Variants in MAP4K1 observed in about 807,000 individuals in gnomAD.
MAP4K1 encodes the protein mitogen-activated protein kinase kinase kinase kinase 1.
MAP4K1 carries 35 observed loss-of-function variants against 122.8 expected under a neutral mutation model. The ratio of observed to expected loss-of-function variants is 0.29; its 90% CI spans 0.22 to 0.38. The LOEUF (loss-of-function observed/expected upper bound fraction) is 0.38. Ranked by LOEUF, MAP4K1 falls within the 10% of genes least tolerant of loss-of-function variation. MAP4K1 has a pLI of 1.00. For missense variants in MAP4K1, 791 were observed against 1,072.6 expected, an observed-to-expected ratio of 0.74 and a Z score of 3.67; for synonymous variants, 412 against 421.3, an observed-to-expected ratio of 0.98 and a Z score of 0.27.
chr19:38,591,918 C>G (rs1331666412), intron 30 of MAP4K1, among the ~76,000 whole-genome samples: 1 of 148,280 alleles, frequency 6.7e-6, no homozygotes, highest in African/African-American at 2.5e-5. Context: ...TTGTGGTGAG[C>G]TGAAATCACG....
intron 30 of MAP4K1, 83 bp downstream of exon 30, chr19:38,593,199 A>G (rs1238385410): frequency 4.5e-6 from 6 of 1,340,248 alleles, no homozygotes; most frequent in Non-Finnish European, 5.2e-6. Flanking sequence ...GGCTAGAGAT[A>G]CCTTGCTGGG....
chr19:38,600,799 ATTT>A (rs560496607), intron 20 of MAP4K1, among the ~76,000 whole-genome samples: 5,472 of 90,188 alleles, frequency 0.061, 70 homozygotes, highest in African/African-American at 0.11. Flanking sequence ...CCCTCTACCC[ATTT>A]TTTTTTTTTT....
chr19:38,606,694 A>G (rs985053940), intron 16 of MAP4K1, among the ~76,000 whole-genome samples: 2 of 145,886 alleles, frequency 1.4e-5, no homozygotes, highest in Admixed American at 1.3e-4. Flanking sequence ...CCATCCTACA[A>G]AAAAATGATT....
At position 38,608,074 on chromosome 19, in the gene MAP4K1, C is replaced by T. The variant is rs772258809; in HGVS notation, c.1065+38G>A. 2.6e-6 allele frequency: 4 copies of T among 1,566,912 alleles called. No homozygotes were observed. The Admixed American group carries it at 7.4e-5, about 29-fold the overall frequency. On this transcript the variant is annotated intron_variant, in intron 14 of 30. Coordinates refer to ENST00000396857, the MANE Select transcript of MAP4K1 (RefSeq NM_001042600.3). ...AGGGTCAGCAGTGGCCTCAGGGAAG[C>T]AGGCGGTGTGGTGGGGAGTGGGGGG...
chr19:38,599,012 C>CA (rs944497385), intron 22 of MAP4K1, among the ~76,000 whole-genome samples: 3,672 of 37,036 alleles, frequency 0.099, 224 homozygotes, highest in East Asian at 0.28. Flanking sequence ...GAGTCTATCT[C>CA]AAAAAAAAAA....
chr19:38,610,668 G>T (rs1433868257), intron 11 of MAP4K1, among the ~76,000 whole-genome samples: 2 of 152,110 alleles, frequency 1.3e-5, no homozygotes, highest in African/African-American at 2.4e-5. Flanking sequence ...TTACAGGTGT[G>T]AGCCACCATG....
At chr19:38,608,572 G>C (rs971418165) in intron 13 of MAP4K1, among the ~76,000 whole-genome samples, 2 of 151,986 alleles carry the variant, frequency 1.3e-5, no homozygotes, top group African/African-American at 4.8e-5. Context: ...GAGGCAGGCA[G>C]ATCACCTGAG....
At position 38,614,636 on chromosome 19, in the gene MAP4K1, A is replaced by G. The variant is rs372782052; in HGVS notation, c.314-191T>C. On this transcript the variant is annotated intron_variant, in intron 4 of 30. Coordinates refer to ENST00000396857, the MANE Select transcript of MAP4K1 (RefSeq NM_001042600.3). ...GCAGCAATGCAAATAAAAGAGGCCA[A>G]TAGGCCTGGCGCAGTGGCTCATGCC... 1.4e-5 allele frequency: 9 copies of G among 639,900 alleles called. No homozygotes were observed. The African/African-American group carries it at 1.6e-4, about 12-fold the overall frequency. 39.6% of individuals were successfully genotyped at this position (639,900 alleles called of 1,614,324 possible). A position where few individuals can be genotyped will look rare whatever the true frequency, so the allele number is the denominator to read the frequency against.
chr19:38,595,777 G>T (rs777036888), intron 27 of MAP4K1, 48 bp from the exon 28 acceptor site: 1 of 1,520,700 alleles, frequency 6.6e-7, no homozygotes, highest in Non-Finnish European at 9.1e-7. Context: ...GGCTTAGAGG[G>T]TTACTAAGGG....
chr19:38,613,997 C>T (rs1365871036), intron 7 of MAP4K1, 45 bp from the exon 8 acceptor site: 2 of 1,613,240 alleles, frequency 1.2e-6, no homozygotes, highest in East Asian at 4.5e-5. Flanking sequence ...CACTGCGCTT[C>T]CGGCCCCCCA....
intron 30 of MAP4K1, among the ~76,000 whole-genome samples, chr19:38,588,159 C>T (rs1207390192): frequency 6.6e-6 from 1 of 152,080 alleles, no homozygotes; most frequent in Non-Finnish European, 1.5e-5. Context: ...GGGAGAACAG[C>T]CTGTGCAAAG....
At position 38,595,514 on chromosome 19, in the gene MAP4K1, C is replaced by T. The variant is rs759712811; in HGVS notation, c.2311G>A (p.Val771Met). 1 of 1,614,094 alleles carries T rather than the reference C, an allele frequency of 6.2e-7. No individual in the cohort carries two copies. The highest frequency in any genetic ancestry group is 8.5e-7 in the Non-Finnish European group (1 of 1,180,014). ...TCCGAGCCTAGAGCCCACACCTGCACTCCATGCTTCCAGAAGGCCTGAAGC... is the reference window on the plus strand; with the variant it reads ...TCCGAGCCTAGAGCCCACACCTGCATTCCATGCTTCCAGAAGGCCTGAAGC... ...GQLQAFWKHG[V>M]QVWALGSDQL... Residue 771 changes from valine to methionine, a missense_variant, in exon 29 of 31, where the codon GTG becomes ATG. Physicochemically the swap from Val to Met is conservative, Grantham distance 21. Coordinates refer to ENST00000396857, the MANE Select transcript of MAP4K1 (RefSeq NM_001042600.3).
chr19:38,588,273 G>T (rs1044416336), intron 30 of MAP4K1, among the ~76,000 whole-genome samples: 6 of 152,142 alleles, frequency 3.9e-5, no homozygotes, highest in African/African-American at 1.4e-4. Flanking sequence ...AGGATTTTAA[G>T]CAGGGAGACA....
In MAP4K1 at chr19:38,614,673, C is replaced by T. The variant is rs563914562; in HGVS notation, c.314-228G>A. ...CAGTGGCTCATGCCTATAATCCCAGCACTTTGGGAGGCCAAGGTGGGTGGA... is the reference window on the plus strand; with the variant it reads ...CAGTGGCTCATGCCTATAATCCCAGTACTTTGGGAGGCCAAGGTGGGTGGA... On this transcript the variant is annotated intron_variant, in intron 4 of 30. Transcript: ENST00000396857. 4 of 572,992 alleles carry T rather than the reference C, an allele frequency of 7.0e-6. No homozygotes were observed. In the African/African-American group the frequency reaches 7.5e-5, roughly 11 times the overall value. The allele number at this position is 572,992 out of a possible 1,614,324, so 35.5% of individuals were successfully genotyped here.
chr19:38,614,305 G>A lies in MAP4K1; in HGVS notation c.370-13C>T. The A allele has an allele frequency of 1.2e-6, 2 of 1,614,208 alleles. No individual in the cohort carries two copies. Among genetic ancestry groups the A allele is most frequent in the Non-Finnish European group, 1.7e-6 (2 of 1,180,008 alleles). On this transcript the variant is annotated splice_polypyrimidine_tract_variant and intron_variant, in intron 5 of 30. Transcript: ENST00000396857. ...AATAGGCCAGTCCCTGGGGAGAAGG[G>A]TGGACAAGGGGACAGTGAGTGTTTG...
rs758166368 is a variant in MAP4K1 at position 38,599,948 on chromosome 19, T to C, written c.1646A>G (p.Asn549Ser). Residue 549 changes from asparagine (N) to serine (S), a missense_variant, in exon 22 of 31, where the codon AAC becomes AGC. This residue lies in a region of MAP4K1 where 58 missense variants were observed against 118.7 expected (regional missense o/e 0.49). Transcript: ENST00000396857. The part of the protein sequence containing the change: ...PSRTTWVYSI[N>S]NVLMSLSGKT... ...ACCTGAGAGAGACATGAGAACGTTGTTGATGGAGTACACCCACGTAGTCCG... is the reference window on the plus strand; with the variant it reads ...ACCTGAGAGAGACATGAGAACGTTGCTGATGGAGTACACCCACGTAGTCCG... The C allele has an allele frequency of 3.1e-6, 5 of 1,614,018 alleles. No individual in the cohort carries two copies. Among genetic ancestry groups the C allele is most frequent in the East Asian group, 2.2e-5 (1 of 44,886 alleles).
chr19:38,601,477 G>T lies in MAP4K1; in HGVS notation c.1495C>A (p.His499Asn). ...KLFNGCPLRI[H>N]STAAWTHPST... is the part of the protein sequence containing the mutation. Reference sequence around the variant, plus strand: ...GGATGTGTCCAGGCGGCCGTGCTGTGGATCCGGAGGGGGCAGCCATTGAAC... The same window carrying T: ...GGATGTGTCCAGGCGGCCGTGCTGTTGATCCGGAGGGGGCAGCCATTGAAC... The change falls in exon 20 of 31, where the codon CAC (histidine) becomes AAC (asparagine). Residue 499 changes from histidine to asparagine, a missense_variant. By Grantham distance (68) the His-to-Asn change is moderately conservative (BLOSUM62 1). This residue lies in a region of MAP4K1 where 58 missense variants were observed against 118.7 expected (regional missense o/e 0.49). Transcript: ENST00000396857. 6.2e-7 allele frequency: 1 copy of T among 1,610,446 alleles called. No individual in the cohort carries two copies. The highest frequency in any genetic ancestry group is 8.5e-7 in the Non-Finnish European group (1 of 1,178,632).
chr19:38,615,967 A>G (rs914623193), intron 4 of MAP4K1, among the ~76,000 whole-genome samples: 1 of 147,786 alleles, frequency 6.8e-6, no homozygotes, highest in Non-Finnish European at 1.5e-5. Context: ...CCCAGCAGTT[A>G]TATTAAAAAA....
chr19:38,598,126 G>T (rs1974944622), intron 22 of MAP4K1, among the ~76,000 whole-genome samples: 1 of 151,918 alleles, frequency 6.6e-6, no homozygotes, highest in Admixed American at 6.6e-5. Flanking sequence ...TGCCTCCCAG[G>T]TTCAAGCAAT....
Sources: gnomAD v4.1 joint callset for allele counts (sites outside exome capture counted in the v4.1 genomes callset) on GRCh38, gnomAD v4.1.1 for gene constraint, gnomAD v4.1.1 regional missense constraint, MANE v1.5 for transcripts, NCBI Gene and HGNC (gene_info 2026-07-23, HGNC 2026-07-21) for gene names.